Variants in ZNF385D observed in about 807,000 individuals in gnomAD.
ZNF385D encodes the protein zinc finger protein 385D.
In ZNF385D, 15 loss-of-function variants were observed where a neutral mutation model predicts 35.8. The observed-to-expected ratio is 0.42, with a 90% CI of 0.28 to 0.64. ZNF385D has a LOEUF of 0.64. Ranked by LOEUF, ZNF385D falls within the 30% of genes least tolerant of loss-of-function variation. The pLI is 0.23. For missense variants in ZNF385D, 474 were observed against 494.6 expected, an observed-to-expected ratio of 0.96 and a Z score of 0.39; for synonymous variants, 212 against 186.8, an observed-to-expected ratio of 1.13 and a Z score of -1.10.
chr3:22,095,965 T>C (rs1408220008), intron 3 of ZNF385D, among the ~76,000 whole-genome samples: 1 of 151,974 alleles, frequency 6.6e-6, no homozygotes, highest in East Asian at 1.9e-4. Context: ...TTTTTTAAAA[T>C]GATTCTGTAA....
chr3:21,580,976 T>C (rs1247136308), intron 2 of ZNF385D, among the ~76,000 whole-genome samples: 4 of 152,300 alleles, frequency 2.6e-5, no homozygotes, highest in East Asian at 3.9e-4. Context: ...ATTCTACTTC[T>C]CCTGGCACTG....
In ZNF385D at chr3:21,673,331, T is replaced by C. The variant is rs573989855; in HGVS notation, c.23-8303A>G. The stretch of plus-strand genomic sequence containing the variant: ...CCACATGGGGCTAGAGGCTTCTGTA[T>C]TGTACACTGCACATATAAAACACTT... On this transcript the variant is annotated intron_variant, in intron 1 of 7. Coordinates refer to ENST00000281523, the MANE Select transcript of ZNF385D (RefSeq NM_024697.3). 1.2e-4 allele frequency among the ~76,000 whole-genome samples: 18 copies of C among 152,272 alleles called. No individual in the cohort carries two copies. In the East Asian group the frequency reaches 3.3e-3, roughly 28 times the overall value.
intron 2 of ZNF385D, among the ~76,000 whole-genome samples, chr3:21,641,632 C>CTTTT (rs144071100): frequency 2.9e-5 from 3 of 104,718 alleles, no homozygotes; most frequent in South Asian, 3.7e-4. Context: ...AACAAGTCAG[C>CTTTT]TTTTTTTTTT....
intron 2 of ZNF385D, among the ~76,000 whole-genome samples, chr3:22,203,329 T>A (rs561961888): frequency 1.1e-4 from 17 of 152,186 alleles, no homozygotes; most frequent in African/African-American, 4.1e-4. Context: ...AACCCAGTCC[T>A]AGCAGGATTT....
At chr3:21,812,873 C>G (rs1488472892) in intron 3 of ZNF385D, among the ~76,000 whole-genome samples, 1 of 152,208 alleles carries the variant, frequency 6.6e-6, no homozygotes, top group African/African-American at 2.4e-5. Flanking sequence ...AGTTTGAGAT[C>G]TGAGAATGGA....
At chr3:21,813,945 C>T (rs1231951300) in intron 3 of ZNF385D, among the ~76,000 whole-genome samples, 1 of 152,070 alleles carries the variant, frequency 6.6e-6, no homozygotes, top group East Asian at 1.9e-4. Context: ...TTAAGGGCAG[C>T]CAGAGAGAAA....
intron 3 of ZNF385D, among the ~76,000 whole-genome samples, chr3:21,963,746 T>C (rs1702726154): frequency 6.6e-6 from 1 of 152,170 alleles, no homozygotes; most frequent in African/African-American, 2.4e-5. Flanking sequence ...AATAACTTTA[T>C]GTTTTTCTTC....
intron 1 of ZNF385D, among the ~76,000 whole-genome samples, chr3:21,731,679 C>A (rs547224334): frequency 1.3e-5 from 2 of 152,190 alleles, no homozygotes; most frequent in East Asian, 1.9e-4. Flanking sequence ...GTCCTATAAC[C>A]CCTGGCAATC....
chr3:21,506,818 A>G (rs1417569833), intron 4 of ZNF385D, among the ~76,000 whole-genome samples: 1 of 152,162 alleles, frequency 6.6e-6, no homozygotes, highest in Non-Finnish European at 1.5e-5. Context: ...TCTTCATTAG[A>G]TCACAAGAAC....
chr3:21,670,453 T>A (rs2066531673), intron 1 of ZNF385D, among the ~76,000 whole-genome samples: 1 of 151,816 alleles, frequency 6.6e-6, no homozygotes, highest in Admixed American at 6.6e-5. Context: ...TTGACATACA[T>A]GGAGAATTAT....
intron 3 of ZNF385D, among the ~76,000 whole-genome samples, chr3:21,524,757 G>C (rs1026773675): frequency 6.6e-6 from 1 of 152,136 alleles, no homozygotes; most frequent in African/African-American, 2.4e-5. Context: ...GTAGTGGATG[G>C]AATTAACATT....
At chr3:21,447,812 C>G (rs1702234710) in intron 4 of ZNF385D, among the ~76,000 whole-genome samples, 1 of 152,144 alleles carries the variant, frequency 6.6e-6, no homozygotes, top group African/African-American at 2.4e-5. Context: ...CAAATACTCA[C>G]TCTAGAATCC....
At chr3:22,080,641 T>C (rs1031899832) in intron 3 of ZNF385D, among the ~76,000 whole-genome samples, 2 of 152,014 alleles carry the variant, frequency 1.3e-5, no homozygotes, top group Non-Finnish European at 2.9e-5. Context: ...ATTTTATATA[T>C]GAAATACTTC....
intron 3 of ZNF385D, among the ~76,000 whole-genome samples, chr3:22,000,996 C>G (rs1695806182): frequency 6.6e-6 from 1 of 151,010 alleles, no homozygotes; most frequent in Non-Finnish European, 1.5e-5. Context: ...AGCAAATAAA[C>G]TAGTAAGATT....
chr3:22,066,461 C>CGTGTGTGTGTGTGTGTGTGTGTGT lies in ZNF385D; in HGVS notation c.325+102332_325+102355dup, dbSNP rs10627614. ...AAAGATACTGGGTGAGATGGTTCCC[C>CGTGTGTGTGTGTGTGTGTGTGTGT]GTGTGTGTGTGTGTGTGTGTGTGTG... On this transcript the variant is annotated intron_variant, in intron 3 of 5. Coordinates refer to the ZNF385D transcript ENST00000494108. Among the ~76,000 whole-genome samples, 7 of 98,112 alleles carry CGTGTGTGTGTGTGTGTGTGTGTGT rather than the reference C, an allele frequency of 7.1e-5. 1 individual carries two copies. The highest frequency in any genetic ancestry group is 1.2e-4 in the Non-Finnish European group (6 of 50,380). The allele number at this position is 98,112 out of a possible 152,430, so 64.4% of individuals were successfully genotyped here. A position where few individuals can be genotyped will look rare whatever the true frequency, so the allele number is the denominator to read the frequency against.
intron 3 of ZNF385D, among the ~76,000 whole-genome samples, chr3:21,827,047 A>C (rs1694687640): frequency 1.3e-5 from 2 of 152,182 alleles, no homozygotes; most frequent in South Asian, 2.1e-4. Flanking sequence ...TTTGCCATTA[A>C]AAGTAATGGC....
In ZNF385D at chr3:22,268,612, A is replaced by C. The variant is rs1701015874; in HGVS notation, c.107-99577T>G. ...TCTAGTAAAATTTTAGTTGCAAGATAAATTTGGCATGGGCCATAGTCCATA... is the reference window on the plus strand; with the variant it reads ...TCTAGTAAAATTTTAGTTGCAAGATCAATTTGGCATGGGCCATAGTCCATA... On this transcript the variant is annotated intron_variant, in intron 2 of 5. Coordinates refer to the ZNF385D transcript ENST00000494108. Among the ~76,000 whole-genome samples the C allele has an allele frequency of 4.6e-5, 7 of 152,206 alleles. 1 individual carries two copies. The South Asian group carries it at 1.4e-3, about 31-fold the overall frequency.
intron 3 of ZNF385D, among the ~76,000 whole-genome samples, chr3:21,760,719 A>G (rs2070566964): frequency 6.6e-6 from 1 of 152,204 alleles, no homozygotes; most frequent in African/African-American, 2.4e-5. Flanking sequence ...AATACAATTC[A>G]TAAGAAATCT....
At chr3:21,496,008 A>G (rs1301567171) in intron 4 of ZNF385D, among the ~76,000 whole-genome samples, 2 of 151,998 alleles carry the variant, frequency 1.3e-5, no homozygotes, top group Non-Finnish European at 2.9e-5. Context: ...GAAGAAATTG[A>G]ATCCCTGAAA....
Sources: gnomAD v4.1 joint callset for allele counts (sites outside exome capture counted in the v4.1 genomes callset) on GRCh38, gnomAD v4.1.1 for gene constraint, MANE v1.5 for transcripts, NCBI Gene and HGNC (gene_info 2026-07-23, HGNC 2026-07-21) for gene names.